The following SLC52A3 variants were observed in gnomAD, a reference collection of about 807,000 sequenced individuals.
The protein encoded by SLC52A3 is solute carrier family 52 member 3.
In SLC52A3, 20 loss-of-function variants were observed where a neutral mutation model predicts 29.5. That is an observed-to-expected ratio of 0.68 (90% CI 0.48 to 0.99). The LOEUF (loss-of-function observed/expected upper bound fraction) is 0.99. Among genes scored for constraint, SLC52A3 ranks in the 50% least tolerant of loss-of-function variants. The probability of loss-of-function intolerance (pLI) is 0.00; values close to 1 mark genes in which losing one functional copy is unlikely to be tolerated. For synonymous variants in SLC52A3, 301 were observed against 271.0 expected (o/e 1.11, Z -1.09); for missense variants, 548 against 612.9 (o/e 0.89, Z 1.12).
At chr20:772,076 G>C (rs796909318), upstream of SLC52A3, among the ~76,000 whole-genome samples, 3 of 152,382 alleles carry the variant, frequency 2.0e-5, no homozygotes, top group African/African-American at 7.2e-5. Context: ...TTAAACTAAT[G>C]AGAGTGTCCA....
In SLC52A3 at chr20:765,291, C is replaced by T. The variant is rs896950205; in HGVS notation, c.484G>A (p.Gly162Ser). The T allele has an allele frequency of 8.7e-6, 14 of 1,613,960 alleles. No individual in the cohort carries two copies. Among genetic ancestry groups the T allele is most frequent in the East Asian group, 2.2e-5 (1 of 44,888 alleles). The stretch of plus-strand genomic sequence containing the variant: ...GTGACATTGACGCAGGTAGTGAGAC[C>T]GGAGCCCTGGGCAAGAGCCACCAGG... ...PALVALAQGSGLTTCVNVTEI... is the reference protein window; with the variant it reads ...PALVALAQGSSLTTCVNVTEI... The change falls in exon 2 of 5, where the codon GGT (glycine) becomes AGT (serine). Residue 162 changes from glycine to serine, a missense_variant. This residue lies in a region of SLC52A3 where 375 missense variants were observed against 471.1 expected (regional missense o/e 0.80). Coordinates refer to ENST00000645534, the MANE Select transcript of SLC52A3 (RefSeq NM_033409.4). The surrounding 1 kb of genome is among the most constrained non-coding windows in gnomAD (Gnocchi z 6.6).
At chr20:774,792 C>T (rs555365278) in intron 1 of SLC52A3, among the ~76,000 whole-genome samples, 1 of 152,348 alleles carries the variant, frequency 6.6e-6, no homozygotes, top group East Asian at 1.9e-4. Flanking sequence ...CCCTATTGCA[C>T]AGGTGGGGAA....
upstream of SLC52A3, among the ~76,000 whole-genome samples, chr20:772,384 A>G (rs376019051): frequency 1.1e-4 from 16 of 152,308 alleles, 2 homozygotes; most frequent in Admixed American, 5.9e-4. Flanking sequence ...GCCCACTCCC[A>G]AATTATCTCC....
rs142227778 is a variant in SLC52A3, at chr20:762,067, A to G, written c.1074-243T>C. On this transcript the variant is annotated intron_variant, in intron 3 of 4. Coordinates refer to ENST00000645534, the MANE Select transcript of SLC52A3 (RefSeq NM_033409.4). ...CAAGAAAAACATAATGGACTCTGGC[A>G]CCGGATGGTCCTGGTTCAAATCCCA... Among the ~76,000 whole-genome samples the G allele has an allele frequency of 4.1e-3, 619 of 152,326 alleles. 9 individuals are homozygous for G. Among genetic ancestry groups the G allele is most frequent in the African/African-American group, 0.014 (594 of 41,586 alleles).
chr20:777,273 A>AAAAC (rs1555785011), upstream of SLC52A3, among the ~76,000 whole-genome samples: 671 of 9,050 alleles, frequency 0.074, 10 homozygotes, highest in African/African-American at 0.21. Context: ...AACAAAAAAC[A>AAAAC]AAAAAAAAAC....
chr20:771,760 T>C (rs537279682), upstream of SLC52A3, among the ~76,000 whole-genome samples: 1 of 151,524 alleles, frequency 6.6e-6, no homozygotes, highest in South Asian at 2.1e-4. Flanking sequence ...AAGTATAAAT[T>C]GAGACCAAGA....
At chr20:764,475 C>T (rs1476287160) in intron 2 of SLC52A3, among the ~76,000 whole-genome samples, 3 of 151,848 alleles carry the variant, frequency 2.0e-5, no homozygotes, top group Admixed American at 2.0e-4. Context: ...GAATCCCCCA[C>T]CTAAGGGGAG....
At chr20:770,287 G>T (rs1986810304), upstream of SLC52A3, among the ~76,000 whole-genome samples, 1 of 151,950 alleles carries the variant, frequency 6.6e-6, no homozygotes, top group Non-Finnish European at 1.5e-5. This position sits in a 1 kb window ranked among gnomAD's most constrained non-coding sequence, Gnocchi z 4.5. Context: ...CTCCTTAGTA[G>T]CTGGGATTAC....
intron 2 of SLC52A3, among the ~76,000 whole-genome samples, chr20:764,398 G>A (rs1237119834): frequency 6.7e-6 from 1 of 148,708 alleles, no homozygotes; most frequent in African/African-American, 2.5e-5. Context: ...CATGTTCAGA[G>A]GAGGAGCTAG....
upstream of SLC52A3, among the ~76,000 whole-genome samples, chr20:776,876 C>G (rs1987056043): frequency 1.3e-5 from 2 of 151,100 alleles, no homozygotes; most frequent in Admixed American, 1.3e-4. Context: ...GCCACAGGAG[C>G]AGGGTTGGCG....
rs1761534102 is a variant in SLC52A3, at chr20:765,457, G to A, written c.318C>T (p.Ile106=). 1.9e-6 allele frequency: 3 copies of A among 1,609,136 alleles called. No homozygotes were observed. The highest frequency in any genetic ancestry group is 1.7e-5 in the Admixed American group (1 of 58,842). The change falls in exon 2 of 5, where the codon ATC becomes ATT. Residue 106 remains isoleucine, a synonymous_variant. Transcript: ENST00000645534. The surrounding 1 kb of genome is among the most constrained non-coding windows in gnomAD (Gnocchi z 6.6). The part of the protein sequence containing the change: ...TSWVLDGHHS[I]AFLVLTFFLA... ...GGAAGAAGGTGAGGACCAAGAAGGCGATGCTGTGGTGGCCGTCCAGCACCC... is the reference window on the plus strand; with the variant it reads ...GGAAGAAGGTGAGGACCAAGAAGGCAATGCTGTGGTGGCCGTCCAGCACCC...
chr20:768,788 C>A (rs763578679), upstream of SLC52A3, among the ~76,000 whole-genome samples: 78 of 152,194 alleles, frequency 5.1e-4, no homozygotes, highest in Non-Finnish European at 5.7e-4. Context: ...ACTAATAGCA[C>A]AGGTGAGGCC....
intron 3 of SLC52A3, 148 bp downstream of exon 3, chr20:763,349 CA>C (rs1986551972): frequency 1.0e-6 from 1 of 994,598 alleles, no homozygotes; most frequent in Non-Finnish European, 1.5e-6. Flanking sequence ...ACACAGCTGA[CA>C]GGTGGCAGAG....
At chr20:769,620 G>A (rs1490933186), upstream of SLC52A3, among the ~76,000 whole-genome samples, 1 of 152,234 alleles carries the variant, frequency 6.6e-6, no homozygotes, top group Non-Finnish European at 1.5e-5. Flanking sequence ...TTATTGGCCA[G>A]GCGCGGTGGC....
upstream of SLC52A3, among the ~76,000 whole-genome samples, chr20:776,553 A>G (rs1372392725): frequency 6.6e-6 from 1 of 151,814 alleles, no homozygotes; most frequent in Non-Finnish European, 1.5e-5. Context: ...TGTGTAGGTC[A>G]CACACCTTGT....
intron 1 of SLC52A3, among the ~76,000 whole-genome samples, chr20:775,222 G>A (rs544853046): frequency 2.3e-4 from 34 of 150,974 alleles, no homozygotes; most frequent in African/African-American, 3.9e-4. Context: ...AAGTTGTTCC[G>A]AGATAGCATG....
intron 1 of SLC52A3, among the ~76,000 whole-genome samples, chr20:775,061 C>T (rs1051759228): frequency 2.6e-5 from 4 of 152,194 alleles, no homozygotes; most frequent in Non-Finnish European, 4.4e-5. Context: ...TTCTCTTCCC[C>T]CTTCTCCTCC....
intron 3 of SLC52A3, among the ~76,000 whole-genome samples, chr20:762,486 C>T (rs6038643): frequency 0.37 from 56,322 of 151,730 alleles, 10,924 homozygotes; most frequent in East Asian, 0.66. Flanking sequence ...CTCACAGGTC[C>T]TTGTCCCTGG....
chr20:765,912 A>T lies in SLC52A3; in HGVS notation c.-51-87T>A. ...CTGGGGCCCAGAGTTTTCTCTTATTACTCCCCTTCCTGTGAACAAGCTGGC... is the reference window on the plus strand; with the variant it reads ...CTGGGGCCCAGAGTTTTCTCTTATTTCTCCCCTTCCTGTGAACAAGCTGGC... On this transcript the variant is annotated intron_variant, in intron 1 of 4. Coordinates refer to ENST00000645534, the MANE Select transcript of SLC52A3 (RefSeq NM_033409.4). The surrounding 1 kb of genome is among the most constrained non-coding windows in gnomAD (Gnocchi z 6.6). 2 of 767,924 alleles carry T rather than the reference A, an allele frequency of 2.6e-6. No individual in the cohort carries two copies. Among genetic ancestry groups the T allele is most frequent in the South Asian group, 1.6e-5 (1 of 60,806 alleles). 47.6% of individuals were successfully genotyped at this position (767,924 alleles called of 1,614,324 possible).
Sources: gnomAD v4.1 joint callset for allele counts (sites outside exome capture counted in the v4.1 genomes callset) on GRCh38, gnomAD v4.1.1 for gene constraint, gnomAD v4.1.1 regional missense constraint, Gnocchi (gnomAD v3.1) non-coding constraint, MANE v1.5 for transcripts, NCBI Gene and HGNC (gene_info 2026-07-23, HGNC 2026-07-21) for gene names.